DIP2C: variants seen among roughly 807,000 people sequenced by gnomAD.
DIP2C encodes disco-interacting protein 2 homolog C.
Under a neutral mutation model 192.4 loss-of-function variants are expected in DIP2C, and 33 were observed. That is an observed-to-expected ratio of 0.17 (90% confidence interval 0.13 to 0.23). The LOEUF is 0.23. Ranked by LOEUF, DIP2C falls within the 10% of genes least tolerant of loss-of-function variation. The probability of loss-of-function intolerance (pLI) is 1.00; values close to 1 mark genes in which losing one functional copy is unlikely to be tolerated. For synonymous variants in DIP2C, 979 were observed against 864.1 expected (o/e 1.13, Z -2.33); for missense variants, 1,537 against 2,110.1 (o/e 0.73, Z 5.32).
intron 31 of DIP2C, among the ~76,000 whole-genome samples, chr10:319,124 G>A (rs1956897449): frequency 6.6e-6 from 1 of 152,138 alleles, no homozygotes; most frequent in South Asian, 2.1e-4. Context: ...TGTTGGGCAA[G>A]CTGGTCTCGA....
chr10:500,464 C>T (rs1362801164), intron 1 of DIP2C, among the ~76,000 whole-genome samples: 1 of 152,218 alleles, frequency 6.6e-6, no homozygotes, highest in African/African-American at 2.4e-5. Flanking sequence ...GAACACTGTA[C>T]GTGCCTAGGT....
At chr10:310,710 A>C (rs1055677514) in intron 31 of DIP2C, among the ~76,000 whole-genome samples, 2 of 152,194 alleles carry the variant, frequency 1.3e-5, no homozygotes, top group Non-Finnish European at 2.9e-5. Flanking sequence ...TGTTGATTTT[A>C]CACAGGGGTC....
chr10:640,953 G>A (rs1466187962), intron 1 of DIP2C, among the ~76,000 whole-genome samples: 4 of 152,104 alleles, frequency 2.6e-5, no homozygotes, highest in Non-Finnish European at 5.9e-5. Flanking sequence ...CTGGGCACAC[G>A]CACACGCTGT....
At chr10:588,879 G>C (rs968252892) in intron 1 of DIP2C, among the ~76,000 whole-genome samples, 1 of 152,148 alleles carries the variant, frequency 6.6e-6, no homozygotes, top group African/African-American at 2.4e-5. Context: ...CCAGGAGTGG[G>C]GTCACCGGGC....
At chr10:517,550 G>C (rs970779245) in intron 1 of DIP2C, among the ~76,000 whole-genome samples, 4 of 152,110 alleles carry the variant, frequency 2.6e-5, no homozygotes, top group Admixed American at 2.6e-4. Flanking sequence ...TCCTGCTGGC[G>C]GTGAAGGCAA....
At chr10:541,874 G>C (rs1315037220) in intron 1 of DIP2C, among the ~76,000 whole-genome samples, 1 of 152,140 alleles carries the variant, frequency 6.6e-6, no homozygotes, top group South Asian at 2.1e-4. Flanking sequence ...CTGTCTCTCG[G>C]CCCCCCTCAC....
intron 1 of DIP2C, among the ~76,000 whole-genome samples, chr10:579,964 G>A (rs1471226756): frequency 6.6e-6 from 1 of 151,546 alleles, no homozygotes; most frequent in Non-Finnish European, 1.5e-5. Flanking sequence ...ATAAAGCACA[G>A]CCATAGCCAA....
chr10:550,220 G>C (rs867335985), intron 1 of DIP2C, among the ~76,000 whole-genome samples: 12 of 152,084 alleles, frequency 7.9e-5, no homozygotes, highest in African/African-American at 2.9e-4. Flanking sequence ...ATGTTGGCCA[G>C]GCTGGTCTCG....
chr10:396,151 A>G (rs1214497611), intron 10 of DIP2C, among the ~76,000 whole-genome samples: 1 of 152,196 alleles, frequency 6.6e-6, no homozygotes, highest in Non-Finnish European at 1.5e-5. Flanking sequence ...TTTGTTCAAA[A>G]CGTACGGTTT....
In DIP2C at chr10:277,182, C is replaced by T. The variant is rs1478893713; in HGVS notation, c.*143G>A. The T allele has an allele frequency of 7.8e-7, 1 of 1,278,098 alleles. No homozygotes were observed. The highest frequency in any genetic ancestry group is 2.3e-5 in the Admixed American group (1 of 43,070). 79.2% of individuals were successfully genotyped at this position (1,278,098 alleles called of 1,614,324 possible). Reference sequence around the variant, plus strand: ...GCCAATCGTGGCTGCTGTGAGAAGTCCTCTTCCTCCTCCTCTTCCTCCTCC... The same window carrying T: ...GCCAATCGTGGCTGCTGTGAGAAGTTCTCTTCCTCCTCCTCTTCCTCCTCC... On this transcript the variant is annotated 3_prime_UTR_variant, in exon 37 of 37. Coordinates refer to ENST00000280886, the MANE Select transcript of DIP2C (RefSeq NM_014974.3).
chr10:324,057 G>A (rs1957152903), intron 31 of DIP2C, among the ~76,000 whole-genome samples: 1 of 152,114 alleles, frequency 6.6e-6, no homozygotes, highest in Non-Finnish European at 1.5e-5. Flanking sequence ...CTTTCACTGT[G>A]CTCTGCTGAA....
chr10:419,146 G>C lies in DIP2C; in HGVS notation c.658C>G (p.Gln220Glu), dbSNP rs776640490. Reference protein sequence around the residue: ...VTTYTSEHSIQVERPQGSTGS... With the variant: ...VTTYTSEHSIEVERPQGSTGS... ...GTGGAACCCTGCGGTCTCTCCACCT[G>C]TATCGAGTGCTCTGAGGTGTACGTG... The change falls in exon 6 of 37, where the codon CAG (glutamine) becomes GAG (glutamate). Residue 220 changes from glutamine to glutamate, a missense_variant. Physicochemically the swap from Gln to Glu is conservative, Grantham distance 29. Coordinates refer to ENST00000280886, the MANE Select transcript of DIP2C (RefSeq NM_014974.3). 1.9e-6 allele frequency: 3 copies of C among 1,614,284 alleles called. No individual in the cohort carries two copies. Among genetic ancestry groups the C allele is most frequent in the Non-Finnish European group, 2.5e-6 (3 of 1,180,048 alleles).
intron 1 of DIP2C, among the ~76,000 whole-genome samples, chr10:515,946 A>C (rs939002266): frequency 6.6e-6 from 1 of 152,042 alleles, no homozygotes; most frequent in Non-Finnish European, 1.5e-5. Flanking sequence ...CCACACACGG[A>C]GAGTTTAGCT....
intron 33 of DIP2C, among the ~76,000 whole-genome samples, chr10:286,909 T>TA (rs749601016): frequency 1.3e-5 from 2 of 152,192 alleles, no homozygotes; most frequent in East Asian, 3.9e-4. Context: ...GGCAAAATGA[T>TA]ATAGTAGGCA....
At position 326,282 on chromosome 10, in the gene DIP2C, G is replaced by A. The variant is rs562995816; in HGVS notation, c.3924+724C>T. Among the ~76,000 whole-genome samples the A allele has an allele frequency of 2.6e-5, 4 of 152,306 alleles. No homozygotes were observed. The South Asian group carries it at 8.3e-4, about 32-fold the overall frequency. On this transcript the variant is annotated intron_variant, in intron 31 of 36. Transcript: ENST00000280886. ...AGAGGAGGTTCCCTCCTCTGACCTA[G>A]TGGCTAACTCCAAGCACCTAGACAG...
rs564171875 is a variant in DIP2C at position 651,571 on chromosome 10, T to C, written c.85+37923A>G. 1.2e-5 allele frequency: 5 copies of C among 403,364 alleles called. No individual in the cohort carries two copies. The East Asian group carries it at 3.0e-4, about 24-fold the overall frequency. 25.0% of individuals were successfully genotyped at this position (403,364 alleles called of 1,614,324 possible). A position where few individuals can be genotyped will look rare whatever the true frequency, so the allele number is the denominator to read the frequency against. ...CAGTGCCTTTCCAGTTAAATGTTGT[T>C]AAGCAGTATTTCCCCCAAAAGGTGC... is the stretch of plus-strand genomic sequence containing the variant. On this transcript the variant is annotated intron_variant, in intron 1 of 36. Transcript: ENST00000280886. This position sits in a 1 kb window ranked among gnomAD's most constrained non-coding sequence, Gnocchi z 4.1.
At chr10:432,454 T>C (rs1589783707) in intron 4 of DIP2C, among the ~76,000 whole-genome samples, 1 of 152,248 alleles carries the variant, frequency 6.6e-6, no homozygotes, top group Non-Finnish European at 1.5e-5. Context: ...ATCCACGTTA[T>C]CAAATTTGTG....
At chr10:381,799 G>C (rs1446555049) in intron 17 of DIP2C, among the ~76,000 whole-genome samples, 1 of 152,218 alleles carries the variant, frequency 6.6e-6, no homozygotes, top group Non-Finnish European at 1.5e-5. Context: ...CCACAGGAAA[G>C]GAATGGTCCT....
At chr10:564,377 G>A (rs1391571075) in intron 1 of DIP2C, among the ~76,000 whole-genome samples, 1 of 152,044 alleles carries the variant, frequency 6.6e-6, no homozygotes, top group African/African-American at 2.4e-5. Flanking sequence ...CCTTGGGGCA[G>A]CCTCACTCAC....
Sources: allele counts gnomAD v4.1 joint callset (sites outside exome capture counted in the v4.1 genomes callset), GRCh38; gene constraint gnomAD v4.1.1; non-coding constraint Gnocchi (gnomAD v3.1); transcripts MANE v1.5; gene names NCBI Gene and HGNC (gene_info 2026-07-23, HGNC 2026-07-21).